ODAD2: variants seen among roughly 807,000 people sequenced by gnomAD.
ODAD2 encodes outer dynein arm docking complex subunit 2, also known as outer dynein arm-docking complex subunit 2.
Under a neutral mutation model 106.8 loss-of-function variants are expected in ODAD2, and 89 were observed. That is an observed-to-expected ratio of 0.83 (90% CI 0.70 to 0.99). The LOEUF (loss-of-function observed/expected upper bound fraction) is 0.99. Ranked by LOEUF, ODAD2 falls within the 50% of genes least tolerant of loss-of-function variation. ODAD2 has a pLI of 0.00. For missense variants in ODAD2, 1,168 were observed against 1,238.5 expected, an observed-to-expected ratio of 0.94 and a Z score of 0.85; for synonymous variants, 404 against 436.2, an observed-to-expected ratio of 0.93 and a Z score of 0.92.
At chr10:27,863,839 G>A (rs1227041992) in intron 17 of ODAD2, among the ~76,000 whole-genome samples, 1 of 151,366 alleles carries the variant, frequency 6.6e-6, no homozygotes, top group African/African-American at 2.4e-5. Flanking sequence ...TTCTAGTTCA[G>A]AATGACTGGA....
At chr10:27,983,316 G>A (rs1272468122) in intron 6 of ODAD2, among the ~76,000 whole-genome samples, 2 of 152,182 alleles carry the variant, frequency 1.3e-5, no homozygotes, top group African/African-American at 2.4e-5. Context: ...CCACTCTTCA[G>A]AGATCTGGAG....
At chr10:27,992,902 A>C (rs1285335364) in intron 2 of ODAD2, among the ~76,000 whole-genome samples, 1 of 152,146 alleles carries the variant, frequency 6.6e-6, no homozygotes, top group Non-Finnish European at 1.5e-5. Context: ...ATCTGCTTTA[A>C]ATGCATTTTT....
At chr10:27,881,732 A>G (rs1238712936) in intron 17 of ODAD2, among the ~76,000 whole-genome samples, 2 of 152,224 alleles carry the variant, frequency 1.3e-5, no homozygotes, top group Admixed American at 1.3e-4. Context: ...ACTTTTATTC[A>G]TTAATTCATT....
At chr10:27,878,661 A>G (rs1841507209) in intron 17 of ODAD2, among the ~76,000 whole-genome samples, 1 of 152,190 alleles carries the variant, frequency 6.6e-6, no homozygotes, top group African/African-American at 2.4e-5. Flanking sequence ...TTAATCCTAC[A>G]CTAACATTAG....
In ODAD2 at chr10:27,898,446, G is replaced by T. The variant is rs7094669; in HGVS notation, c.2610+9217C>A. Reference sequence around the variant, plus strand: ...TCCTTACATTATCTCTGTTTCTTCTGAAGTCAGTTCTGCTAGTTCATGTGG... The same window carrying T: ...TCCTTACATTATCTCTGTTTCTTCTTAAGTCAGTTCTGCTAGTTCATGTGG... On this transcript the variant is annotated intron_variant, in intron 17 of 19. Coordinates refer to ENST00000305242, the MANE Select transcript of ODAD2 (RefSeq NM_018076.5). Among the ~76,000 whole-genome samples, 1,457 of 152,098 alleles carry T rather than the reference G, an allele frequency of 9.6e-3. 22 individuals are homozygous for T. The highest frequency in any genetic ancestry group is 0.033 in the African/African-American group (1,373 of 41,498).
chr10:27,935,283 G>A, intron 15 of ODAD2, 31 bp from the exon 16 acceptor site: 2 of 1,611,022 alleles, frequency 1.2e-6, no homozygotes, highest in East Asian at 2.2e-5. Context: ...AGGAGAATTG[G>A]TTTTTGTATA....
At chr10:27,820,450 G>A (rs1037828198) in intron 19 of ODAD2, among the ~76,000 whole-genome samples, 5 of 151,412 alleles carry the variant, frequency 3.3e-5, no homozygotes, top group Non-Finnish European at 7.4e-5. Context: ...CATAATGTTT[G>A]GCATACAGAA....
At chr10:27,903,997 A>G (rs1037502283) in intron 17 of ODAD2, among the ~76,000 whole-genome samples, 1 of 152,146 alleles carries the variant, frequency 6.6e-6, no homozygotes, top group African/African-American at 2.4e-5. Flanking sequence ...GTTTTCTCCA[A>G]ATAAGGACTA....
intron 9 of ODAD2, among the ~76,000 whole-genome samples, chr10:27,964,185 G>C (rs1848341529): frequency 6.6e-6 from 1 of 152,176 alleles, no homozygotes; most frequent in South Asian, 2.1e-4. Flanking sequence ...TCGTGCTACT[G>C]CACTCCAGCC....
At chr10:27,828,308 T>C (rs1260439277) in intron 19 of ODAD2, among the ~76,000 whole-genome samples, 3 of 151,758 alleles carry the variant, frequency 2.0e-5, no homozygotes, top group Non-Finnish European at 4.4e-5. Flanking sequence ...TGATAGGGAG[T>C]TAGGAGATGA....
intron 17 of ODAD2, among the ~76,000 whole-genome samples, chr10:27,864,069 G>C (rs1322626362): frequency 2.0e-5 from 3 of 151,982 alleles, no homozygotes; most frequent in African/African-American, 4.8e-5. Flanking sequence ...TGCAGGGTTG[G>C]AGTGGGTGCA....
intron 3 of ODAD2, among the ~76,000 whole-genome samples, chr10:27,986,890 A>C (rs1849905313): frequency 6.6e-6 from 1 of 152,268 alleles, no homozygotes; most frequent in South Asian, 2.1e-4. Flanking sequence ...CCACAGTGGA[A>C]TATGGCTGAG....
chr10:27,924,008 A>AAGAGAGAAAGAG lies in ODAD2; in HGVS notation c.2495+11001_2495+11002insCTCTTTCTCTCT, dbSNP rs1320664230. ...AAAGAAAGAAAGAAAGAAAGAAAGA[A>AAGAGAGAAAGAG]AGAAAGAAAGAAAGAAGGAAAGAGA... is the stretch of plus-strand genomic sequence containing the variant. On this transcript the variant is annotated intron_variant, in intron 16 of 19. Coordinates refer to ENST00000305242, the MANE Select transcript of ODAD2 (RefSeq NM_018076.5). Among the ~76,000 whole-genome samples the AAGAGAGAAAGAG allele has an allele frequency of 2.6e-4, 27 of 104,248 alleles. 2 individuals are homozygous for AAGAGAGAAAGAG. The highest frequency in any genetic ancestry group is 2.9e-4 in the Admixed American group (3 of 10,344). 68.4% of individuals were successfully genotyped at this position (104,248 alleles called of 152,430 possible). A position where few individuals can be genotyped will look rare whatever the true frequency, so the allele number is the denominator to read the frequency against.
At chr10:27,959,136 A>G (rs1482910806) in intron 10 of ODAD2, among the ~76,000 whole-genome samples, 10 of 139,280 alleles carry the variant, frequency 7.2e-5, no homozygotes, top group Non-Finnish European at 1.2e-4. Context: ...CAGGAGTTCA[A>G]GATCAGCCTG....
At chr10:27,885,893 A>ATTTATATATAAAAATATATATATATT (rs1564467166) in intron 17 of ODAD2, among the ~76,000 whole-genome samples, 6 of 121,104 alleles carry the variant, frequency 5.0e-5, no homozygotes, top group Non-Finnish European at 9.8e-5. Context: ...GGATATATAT[A>ATTTATATATAAAAATATATATATATT]TTTATATATA....
chr10:27,983,506 T>A (rs1278841067), intron 6 of ODAD2, among the ~76,000 whole-genome samples: 1 of 152,226 alleles, frequency 6.6e-6, no homozygotes, highest in Non-Finnish European at 1.5e-5. Context: ...AGTTATGACA[T>A]CTGTATTATC....
At chr10:27,963,811 C>A (rs182569245) in intron 9 of ODAD2, among the ~76,000 whole-genome samples, 2,546 of 65,016 alleles carry the variant, frequency 0.039, 29 homozygotes, top group Middle Eastern at 0.11. Context: ...GTTTTTTAGA[C>A]CCCCATGCAT....
At chr10:27,988,337 C>CTT (rs5784035) in intron 2 of ODAD2, among the ~76,000 whole-genome samples, 9 of 128,772 alleles carry the variant, frequency 7.0e-5, no homozygotes, top group Non-Finnish European at 9.7e-5. Context: ...CCTGATCTAG[C>CTT]TTTTTTTTTT....
chr10:27,914,568 C>T (rs1844232141), intron 16 of ODAD2, among the ~76,000 whole-genome samples: 1 of 151,974 alleles, frequency 6.6e-6, no homozygotes, highest in African/African-American at 2.4e-5. Context: ...ACAGTTTCTC[C>T]ATAAAGGCAG....
Sources: allele counts gnomAD v4.1 joint callset (sites outside exome capture counted in the v4.1 genomes callset), GRCh38; gene constraint gnomAD v4.1.1; transcripts MANE v1.5; gene names NCBI Gene and HGNC (gene_info 2026-07-23, HGNC 2026-07-21).